Variants in DSCAM observed in about 807,000 individuals in gnomAD.
DSCAM encodes DS cell adhesion molecule, also known as cell adhesion molecule DSCAM.
DSCAM carries 47 observed loss-of-function variants against 217.7 expected under a neutral mutation model. The ratio of observed to expected loss-of-function variants is 0.22; its 90% CI spans 0.17 to 0.28. The LOEUF is 0.28. Among genes scored for constraint, DSCAM ranks in the 10% least tolerant of loss-of-function variants. The pLI, the probability that DSCAM is intolerant of heterozygous loss-of-function variation, is 1.00. For synonymous variants in DSCAM, 1,056 were observed against 1,015.3 expected, an observed-to-expected ratio of 1.04 and a Z score of -0.76; for missense variants, 2,080 against 2,618.3, an observed-to-expected ratio of 0.79 and a Z score of 4.49.
chr21:40,421,320 C>T (rs2075421826), intron 3 of DSCAM, among the ~76,000 whole-genome samples: 1 of 152,208 alleles, frequency 6.6e-6, no homozygotes, highest in African/African-American at 2.4e-5. Context: ...AGAAACTAAG[C>T]ATACAGTACC....
At chr21:40,791,079 G>A (rs553305174) in intron 1 of DSCAM, among the ~76,000 whole-genome samples, 3 of 151,822 alleles carry the variant, frequency 2.0e-5, no homozygotes, top group African/African-American at 7.2e-5. Context: ...AGCTACTCAG[G>A]AGGCTAAGGC....
In DSCAM at chr21:40,619,857, C is replaced by G. The variant is rs547784176; in HGVS notation, c.508+72953G>C. Among the ~76,000 whole-genome samples, 72 of 144,790 alleles carry G rather than the reference C, an allele frequency of 5.0e-4. No individual in the cohort carries two copies. The South Asian group carries it at 0.015, about 31-fold the overall frequency. 95.0% of individuals were successfully genotyped at this position (144,790 alleles called of 152,430 possible). On this transcript the variant is annotated intron_variant, in intron 3 of 32. Transcript: ENST00000400454. The stretch of plus-strand genomic sequence containing the variant: ...AAGCATGTAAAGAAAAAAAAAAAAG[C>G]TCAACATATTAGTAATTAAGGTAAT...
chr21:40,186,950 C>T (rs183821838), intron 14 of DSCAM, among the ~76,000 whole-genome samples, 181 bp downstream of exon 14: 318 of 152,286 alleles, frequency 2.1e-3, no homozygotes, highest in Non-Finnish European at 3.0e-3. Flanking sequence ...AGCCTCAACA[C>T]GAAACTCCAC....
intron 3 of DSCAM, among the ~76,000 whole-genome samples, chr21:40,573,367 A>G (rs1211321747): frequency 6.6e-6 from 1 of 152,182 alleles, no homozygotes; most frequent in African/African-American, 2.4e-5. Context: ...CTTGAAATAA[A>G]TGAAAATAAA....
At chr21:40,841,775 C>T (rs1055974573) in intron 1 of DSCAM, among the ~76,000 whole-genome samples, 1 of 152,248 alleles carries the variant, frequency 6.6e-6, no homozygotes, top group Non-Finnish European at 1.5e-5. Flanking sequence ...TCCCTCGCGG[C>T]TTTGGAAAGG....
chr21:40,424,827 G>A (rs1034175855), intron 3 of DSCAM, among the ~76,000 whole-genome samples: 4 of 152,098 alleles, frequency 2.6e-5, no homozygotes, highest in African/African-American at 9.7e-5. Flanking sequence ...CAACAGGCCA[G>A]TCGCACATGT....
intron 3 of DSCAM, among the ~76,000 whole-genome samples, chr21:40,486,813 A>C (rs1038084936): frequency 2.0e-5 from 3 of 152,300 alleles, no homozygotes; most frequent in Admixed American, 2.0e-4. Flanking sequence ...ATCTGTCATC[A>C]AACAGAGCTT....
chr21:40,844,327 C>G (rs1277207811), intron 1 of DSCAM, among the ~76,000 whole-genome samples: 1 of 152,164 alleles, frequency 6.6e-6, no homozygotes, highest in Non-Finnish European at 1.5e-5. Context: ...TTCCCCTCCC[C>G]CCTTCAAAGA....
intron 10 of DSCAM, among the ~76,000 whole-genome samples, chr21:40,292,924 G>C (rs953925331): frequency 6.6e-6 from 1 of 152,058 alleles, no homozygotes; most frequent in Non-Finnish European, 1.5e-5. Flanking sequence ...TTTTAGTAGA[G>C]ACGGGGTTTC....
chr21:40,162,410 T>C (rs963290093), intron 16 of DSCAM, among the ~76,000 whole-genome samples: 2 of 152,300 alleles, frequency 1.3e-5, no homozygotes, highest in African/African-American at 2.4e-5. Context: ...CCAAGGTACC[T>C]TGCACTTCCC....
intron 1 of DSCAM, among the ~76,000 whole-genome samples, chr21:40,828,958 C>T (rs2091991654): frequency 6.6e-6 from 1 of 152,206 alleles, no homozygotes; most frequent in Admixed American, 6.5e-5. Context: ...GGCCACCATC[C>T]CTTCTTGTTA....
In DSCAM at chr21:40,609,700, G is replaced by A. The variant is rs79519056; in HGVS notation, c.508+83110C>T. Among the ~76,000 whole-genome samples the A allele has an allele frequency of 1.9e-3, 283 of 152,334 alleles. 4 individuals carry two copies. The highest frequency in any genetic ancestry group is 0.01 in the Middle Eastern group (3 of 294). On this transcript the variant is annotated intron_variant, in intron 3 of 32. Coordinates refer to ENST00000400454, the MANE Select transcript of DSCAM (RefSeq NM_001389.5). ...TTGTTAGGACTGAATTGTTGGGGAA[G>A]ATGGTAAAAAAGATGTTGGGAAATA...
chr21:40,329,706 AC>A (rs1478836852), intron 8 of DSCAM, among the ~76,000 whole-genome samples: 8 of 151,954 alleles, frequency 5.3e-5, no homozygotes, highest in Admixed American at 2.0e-4. Context: ...AGACTATTCA[AC>A]CTTAAGAAAG....
At chr21:40,635,485 G>C (rs573796769) in intron 3 of DSCAM, among the ~76,000 whole-genome samples, 2 of 152,270 alleles carry the variant, frequency 1.3e-5, no homozygotes, top group Admixed American at 1.3e-4. Flanking sequence ...AGGGAGGCAG[G>C]CAGTCTGGCC....
chr21:40,640,311 A>G (rs2089862413), intron 3 of DSCAM, among the ~76,000 whole-genome samples: 1 of 152,138 alleles, frequency 6.6e-6, no homozygotes, highest in Admixed American at 6.5e-5. Context: ...AGAACAGGGC[A>G]GGGTGATGTG....
chr21:40,633,355 CCCAGTTCCACATCTCTCTGCAAGAG>C lies in DSCAM; in HGVS notation c.508+59430_508+59454del, dbSNP rs1196472668. On this transcript the variant is annotated intron_variant, in intron 3 of 32. Coordinates refer to ENST00000400454, the MANE Select transcript of DSCAM (RefSeq NM_001389.5). ...GACTTCACAAGATCTCACAGCAAGA[CCCAGTTCCACATCTCTCTGCAAGAG>C]CAGGGACCCACAGCTCAGATAAAAC... Among the ~76,000 whole-genome samples, 17 of 152,278 alleles carry C rather than the reference CCCAGTTCCACATCTCTCTGCAAGAG, an allele frequency of 1.1e-4. No individual in the cohort carries two copies. In the East Asian group the frequency reaches 3.3e-3, roughly 29 times the overall value.
At chr21:40,488,632 G>A (rs1023250613) in intron 3 of DSCAM, among the ~76,000 whole-genome samples, 1 of 152,188 alleles carries the variant, frequency 6.6e-6, no homozygotes, top group African/African-American at 2.4e-5. Flanking sequence ...AGACGCCACT[G>A]TGACAAGGGT....
intron 1 of DSCAM, among the ~76,000 whole-genome samples, chr21:40,756,188 C>G (rs1246692475): frequency 2.0e-5 from 3 of 152,120 alleles, no homozygotes; most frequent in Non-Finnish European, 4.4e-5. Flanking sequence ...CTTGTGAGAT[C>G]TGGTTATTTG....
chr21:40,130,937 C>T (rs1370302997), intron 19 of DSCAM, among the ~76,000 whole-genome samples: 1 of 152,154 alleles, frequency 6.6e-6, no homozygotes, highest in African/African-American at 2.4e-5. Context: ...GTGTGTCTGG[C>T]ATAGACAACT....
Sources: allele counts gnomAD v4.1 joint callset (sites outside exome capture counted in the v4.1 genomes callset), GRCh38; gene constraint gnomAD v4.1.1; transcripts MANE v1.5; gene names NCBI Gene and HGNC (gene_info 2026-07-23, HGNC 2026-07-21).